Variants in PIWIL2 observed in about 807,000 individuals in gnomAD.
PIWIL2 encodes piwi-like protein 2.
In PIWIL2, 81 loss-of-function variants were observed where a neutral mutation model predicts 116.5. The ratio of observed to expected loss-of-function variants is 0.70; its 90% confidence interval spans 0.58 to 0.84. The LOEUF (loss-of-function observed/expected upper bound fraction) is 0.84, where lower values mean the gene tolerates loss of function less well. Among genes scored for constraint, PIWIL2 ranks in the 40% least tolerant of loss-of-function variants. The probability of loss-of-function intolerance (pLI) is 0.00; values close to 1 mark genes in which losing one functional copy is unlikely to be tolerated. For synonymous variants in PIWIL2, 489 were observed against 429.5 expected (o/e 1.14, Z -1.71); for missense variants, 1,272 against 1,212.3 (o/e 1.05, Z -0.73).
intron 10 of PIWIL2, among the ~76,000 whole-genome samples, chr8:22,296,317 T>C (rs1342737724): frequency 1.3e-5 from 2 of 152,224 alleles, no homozygotes; most frequent in East Asian, 3.9e-4. Context: ...AGTGCTGGGA[T>C]TACAGGCATG....
Position 22,287,550 on chromosome 8 carries a change from A to G in PIWIL2, c.766A>G (p.Met256Val), listed in dbSNP as rs757270411. 1.9e-6 allele frequency: 3 copies of G among 1,613,390 alleles called. No individual in the cohort carries two copies. The highest frequency in any genetic ancestry group is 2.2e-5 in the South Asian group (2 of 91,068). ...TFSPNVECKS[M>V]RFGMLKDHQA... ...CAGCCCCAATGTGGAGTGCAAAAGC[A>G]TGAGGTTCGGCATGTTGAAGGACCA... Residue 256 changes from methionine (M) to valine (V), a missense_variant, in exon 7 of 23, where the codon ATG becomes GTG. Coordinates refer to ENST00000356766, the MANE Select transcript of PIWIL2 (RefSeq NM_018068.5).
At chr8:22,316,429 C>A in intron 19 of PIWIL2, 96 bp downstream of exon 19, 2 of 765,504 alleles carry the variant, frequency 2.6e-6, no homozygotes, top group Non-Finnish European at 2.2e-6. Context: ...TTATGTATTA[C>A]AATATAAAGA....
intron 10 of PIWIL2, among the ~76,000 whole-genome samples, chr8:22,303,762 G>A (rs1831108083): frequency 1.3e-5 from 2 of 151,768 alleles, no homozygotes; most frequent in Non-Finnish European, 2.9e-5. Context: ...CCCCCACCAA[G>A]GAAATAAGGT....
chr8:22,347,279 C>T (rs1239156026), intron 20 of PIWIL2, among the ~76,000 whole-genome samples: 1 of 148,194 alleles, frequency 6.7e-6, no homozygotes, highest in African/African-American at 2.5e-5. Flanking sequence ...GTGGTGTGCT[C>T]TCGGCTCACT....
At chr8:22,280,192 A>G (rs1830468892) in intron 2 of PIWIL2, among the ~76,000 whole-genome samples, 1 of 152,124 alleles carries the variant, frequency 6.6e-6, no homozygotes, top group Non-Finnish European at 1.5e-5. Context: ...CTAAAGGTAC[A>G]ATCTCTTGTT....
chr8:22,336,521 TAAG>T (rs900287390), intron 20 of PIWIL2, among the ~76,000 whole-genome samples: 6 of 152,132 alleles, frequency 3.9e-5, no homozygotes, highest in East Asian at 3.9e-4. Flanking sequence ...TATTTTAAAA[TAAG>T]AAGAATCTAA....
intron 13 of PIWIL2, among the ~76,000 whole-genome samples, chr8:22,306,615 G>A (rs921673569): frequency 3.3e-5 from 5 of 152,140 alleles, no homozygotes; most frequent in Admixed American, 1.3e-4. Flanking sequence ...GGCTGTCCAC[G>A]CTTGAACTCC....
At chr8:22,307,547 A>G (rs140542615) in intron 13 of PIWIL2, among the ~76,000 whole-genome samples, 33 of 143,286 alleles carry the variant, frequency 2.3e-4, no homozygotes, top group African/African-American at 7.8e-4. Flanking sequence ...CAGTGGTACA[A>G]TCATGGCTCA....
At chr8:22,348,839 CA>C (rs1436374039) in intron 20 of PIWIL2, among the ~76,000 whole-genome samples, 1 of 152,160 alleles carries the variant, frequency 6.6e-6, no homozygotes, top group Non-Finnish European at 1.5e-5. Context: ...TTATAACTTA[CA>C]AAATGAAGAA....
At chr8:22,304,895 TC>T in intron 12 of PIWIL2, 27 bp downstream of exon 12, 2 of 1,465,850 alleles carry the variant, frequency 1.4e-6, no homozygotes, top group Non-Finnish European at 1.9e-6. Flanking sequence ...GGCTTACAAT[TC>T]CAGCTTAAGT....
intron 16 of PIWIL2, among the ~76,000 whole-genome samples, chr8:22,313,547 C>G (rs1397614947): frequency 6.6e-6 from 1 of 152,204 alleles, no homozygotes; most frequent in South Asian, 2.1e-4. Context: ...GTTCTCATGC[C>G]TTTGGAAATG....
At chr8:22,284,619 C>A (rs1830590345) in intron 6 of PIWIL2, among the ~76,000 whole-genome samples, 1 of 151,650 alleles carries the variant, frequency 6.6e-6, no homozygotes. Flanking sequence ...ATTTTGTATT[C>A]TTTTTCTTAA....
intron 14 of PIWIL2, 98 bp downstream of exon 14, chr8:22,308,171 G>T: frequency 1.4e-5 from 13 of 941,658 alleles, no homozygotes; most frequent in Admixed American, 5.8e-5. Flanking sequence ...TTGAATGTTT[G>T]TCCATGTCAT....
chr8:22,279,961 A>G (rs1830463488), intron 2 of PIWIL2, among the ~76,000 whole-genome samples: 1 of 152,230 alleles, frequency 6.6e-6, no homozygotes, highest in African/African-American at 2.4e-5. Context: ...CATCTCAAAC[A>G]ATGACAACAA....
rs1412702995 is a variant in PIWIL2 at position 22,311,227 on chromosome 8, C to T, written c.1916C>T (p.Pro639Leu). The change falls in exon 16 of 23, where the codon CCG (proline) becomes CTG (leucine). Residue 639 changes from proline to leucine, a missense_variant. Coordinates refer to ENST00000356766, the MANE Select transcript of PIWIL2 (RefSeq NM_018068.5). The stretch of plus-strand genomic sequence containing the variant: ...CCCATTGGCATGCGTATGAGCCCAC[C>T]GGCCTGGGTTGAACTAAAGGATGAC... Reference protein sequence around the residue: ...AGPIGMRMSPPAWVELKDDRI... With the variant: ...AGPIGMRMSPLAWVELKDDRI... 3.7e-6 allele frequency: 6 copies of T among 1,613,962 alleles called. No individual in the cohort carries two copies. Among genetic ancestry groups the T allele is most frequent in the East Asian group, 2.2e-5 (1 of 44,892 alleles).
chr8:22,334,116 G>A (rs1831924845), intron 20 of PIWIL2, among the ~76,000 whole-genome samples: 1 of 151,650 alleles, frequency 6.6e-6, no homozygotes, highest in East Asian at 1.9e-4. Context: ...TTGGATTACA[G>A]GCACCCACCA....
chr8:22,347,247 C>T (rs1279252550), intron 20 of PIWIL2, among the ~76,000 whole-genome samples: 2 of 146,710 alleles, frequency 1.4e-5, no homozygotes, highest in Non-Finnish European at 3.0e-5. Flanking sequence ...GAGTCTCACT[C>T]TGTCACCCAG....
intron 5 of PIWIL2, among the ~76,000 whole-genome samples, chr8:22,283,794 C>G (rs891519827): frequency 1.6e-4 from 24 of 152,300 alleles, no homozygotes; most frequent in African/African-American, 5.3e-4. Context: ...CCTTTCGTTT[C>G]CTTCCCAATT....
intron 20 of PIWIL2, among the ~76,000 whole-genome samples, chr8:22,330,697 A>AAAATAAAT (rs3992768): frequency 0.17 from 23,418 of 136,902 alleles, 2,331 homozygotes; most frequent in Middle Eastern, 0.23. Flanking sequence ...ACTCTGTCTC[A>AAAATAAAT]AAATAAATAA....
Sources: gnomAD v4.1 joint callset for allele counts (sites outside exome capture counted in the v4.1 genomes callset) on GRCh38, gnomAD v4.1.1 for gene constraint, MANE v1.5 for transcripts, NCBI Gene and HGNC (gene_info 2026-07-23, HGNC 2026-07-21) for gene names.